Variants in SH3YL1 observed in about 807,000 individuals in gnomAD.
SH3YL1 encodes the protein SH3 domain-containing YSC84-like protein 1.
A neutral mutation model predicts 45.8 loss-of-function variants in SH3YL1; 41 were observed. The observed-to-expected ratio is 0.89, with a 90% CI of 0.70 to 1.16. The LOEUF (loss-of-function observed/expected upper bound fraction) is 1.16. SH3YL1 is among the 50% of genes most tolerant of loss of function. SH3YL1 has a pLI of 0.00. For synonymous variants in SH3YL1, 152 were observed against 151.4 expected (o/e 1.00, Z -0.03); for missense variants, 389 against 409.6 (o/e 0.95, Z 0.43).
intron 1 of SH3YL1, chr2:259,862 T>A (rs2103060428): frequency 6.6e-6 from 1 of 151,800 alleles, no homozygotes; most frequent in South Asian, 2.1e-4. Context: ...CATTGAAGAT[T>A]TAGAGTGTCA....
At chr2:240,529 A>G (rs1316754372) in intron 4 of SH3YL1, 1 of 152,232 alleles carries the variant, frequency 6.6e-6, no homozygotes, top group Non-Finnish European at 1.5e-5. Flanking sequence ...GTGGTCTAGA[A>G]AATTATCAGG....
intron 4 of SH3YL1, among the ~76,000 whole-genome samples, chr2:235,080 T>C (rs1353215394): frequency 6.6e-6 from 1 of 152,192 alleles, no homozygotes; most frequent in African/African-American, 2.4e-5. Flanking sequence ...TTTCGCCATG[T>C]TGGCCAGGCT....
chr2:255,982 AAAT>A (rs1308827549), intron 1 of SH3YL1: 2 of 152,188 alleles, frequency 1.3e-5, no homozygotes, highest in African/African-American at 4.8e-5. Flanking sequence ...ACAATTTACA[AAAT>A]GAAATCTACC....
intron 4 of SH3YL1, chr2:243,703 C>G: frequency 1.2e-5 from 11 of 918,704 alleles, no homozygotes; most frequent in Non-Finnish European, 1.7e-5. Context: ...GTTTCTTCCC[C>G]GGAAGAACAT....
intron 1 of SH3YL1, chr2:256,604 A>T (rs1669343417): frequency 6.6e-6 from 1 of 152,212 alleles, no homozygotes; most frequent in Non-Finnish European, 1.5e-5. Flanking sequence ...GAGGCAGGAG[A>T]ATCACTTGAA....
intron 4 of SH3YL1, chr2:239,769 C>T (rs565262461): frequency 6.6e-6 from 1 of 152,286 alleles, no homozygotes; most frequent in East Asian, 1.9e-4. Flanking sequence ...ATAACCGTAA[C>T]TGGTAAAAAT....
chr2:233,673 G>A (rs1030082694), intron 5 of SH3YL1, among the ~76,000 whole-genome samples: 1 of 152,144 alleles, frequency 6.6e-6, no homozygotes, highest in African/African-American at 2.4e-5. Context: ...TATAAATAGT[G>A]TGGGTATAAA....
At chr2:242,466 G>C (rs1388573529) in intron 4 of SH3YL1, among the ~76,000 whole-genome samples, 1 of 151,802 alleles carries the variant, frequency 6.6e-6, no homozygotes, top group African/African-American at 2.4e-5. Context: ...AAATAGTTAA[G>C]ACATATTGTA....
rs371041609 is a variant in SH3YL1, at chr2:230,044, C to A, written c.703G>T (p.Ala235Ser). Reference sequence around the variant, plus strand: ...AATGGCTTTGGAGGTAATTCTTTAGCCTGGGAGAAACAAAAAGATAAATAC... The same window carrying A: ...AATGGCTTTGGAGGTAATTCTTTAGACTGGGAGAAACAAAAAGATAAATAC... ...KAAREQRKSSAKELPPKPLSR... is the reference protein window; with the variant it reads ...KAAREQRKSSSKELPPKPLSR... Residue 235 changes from alanine to serine, a missense_variant and splice_region_variant, in exon 8 of 10, where the codon GCT becomes TCT. By Grantham distance (99) the Ala-to-Ser change is moderately conservative. Transcript: ENST00000356150. 31 of 1,594,150 alleles carry A rather than the reference C, an allele frequency of 1.9e-5. No individual in the cohort carries two copies. The highest frequency in any genetic ancestry group is 2.6e-5 in the Non-Finnish European group (30 of 1,169,502).
chr2:252,557 G>A (rs1558250970), intron 2 of SH3YL1, among the ~76,000 whole-genome samples: 1 of 152,190 alleles, frequency 6.6e-6, no homozygotes, highest in Non-Finnish European at 1.5e-5. Flanking sequence ...TCCACCTGGA[G>A]TAGCAAGGCC....
intron 8 of SH3YL1, 40 bp downstream of exon 8, chr2:229,925 CT>C: frequency 6.9e-7 from 1 of 1,446,246 alleles, no homozygotes; most frequent in Non-Finnish European, 9.7e-7. Context: ...TTAATAATTA[CT>C]TAATTACAAC....
chr2:238,459 A>T (rs1668402282), intron 4 of SH3YL1, among the ~76,000 whole-genome samples: 1 of 152,038 alleles, frequency 6.6e-6, no homozygotes, highest in Non-Finnish European at 1.5e-5. Context: ...ATTTATCCTC[A>T]ACTTAAACCC....
chr2:264,062 G>T, upstream of SH3YL1: 1 of 1,354,134 alleles, frequency 7.4e-7, no homozygotes, highest in Non-Finnish European at 9.5e-7. Flanking sequence ...CCGCGGACAA[G>T]GAGGCCCCAG....
At chr2:222,040 G>A (rs916373388) in intron 9 of SH3YL1, among the ~76,000 whole-genome samples, 6 of 152,120 alleles carry the variant, frequency 3.9e-5, no homozygotes, top group Non-Finnish European at 7.4e-5. Flanking sequence ...CCTGGTTACC[G>A]GGAAGCAAAC....
chr2:261,187 T>A (rs769285615), intron 1 of SH3YL1: 1 of 152,190 alleles, frequency 6.6e-6, no homozygotes, highest in Non-Finnish European at 1.5e-5. Context: ...TCAAATCCCA[T>A]CCTCAGCATC....
chr2:256,436 A>C (rs925455466), intron 1 of SH3YL1: 6 of 152,256 alleles, frequency 3.9e-5, no homozygotes, highest in African/African-American at 1.4e-4. Flanking sequence ...TCACACCTGT[A>C]ATCCCAGCAA....
At chr2:220,070 G>C (rs1055846994) in intron 9 of SH3YL1, among the ~76,000 whole-genome samples, 1 of 151,188 alleles carries the variant, frequency 6.6e-6, no homozygotes, top group Non-Finnish European at 1.5e-5. Flanking sequence ...GCTACATGGA[G>C]TCTGATGCTT....
At chr2:243,239 A>C (rs375817928) in intron 4 of SH3YL1, among the ~76,000 whole-genome samples, 1 of 152,204 alleles carries the variant, frequency 6.6e-6, no homozygotes, top group African/African-American at 2.4e-5. Context: ...TCTCCAGCAC[A>C]CATGGAACAT....
At chr2:248,050 T>C (rs912814951) in intron 3 of SH3YL1, among the ~76,000 whole-genome samples, 3 of 152,240 alleles carry the variant, frequency 2.0e-5, no homozygotes, top group East Asian at 1.9e-4. Flanking sequence ...ATTGTTTCCA[T>C]TGTAAATTTC....
Sources: gnomAD v4.1 joint callset for allele counts (sites outside exome capture counted in the v4.1 genomes callset) on GRCh38, gnomAD v4.1.1 for gene constraint, MANE v1.5 for transcripts, NCBI Gene and HGNC (gene_info 2026-07-23, HGNC 2026-07-21) for gene names.